The following MIOS variants were observed in gnomAD, a reference collection of about 807,000 sequenced individuals.
MIOS encodes meiosis regulator for oocyte development.
In MIOS, 52 loss-of-function variants were observed where a neutral mutation model predicts 96.9. The observed-to-expected ratio is 0.54, with a 90% CI of 0.43 to 0.68. The LOEUF (loss-of-function observed/expected upper bound fraction) is 0.68, where lower values mean the gene tolerates loss of function less well. Among genes scored for constraint, MIOS ranks in the 30% least tolerant of loss-of-function variants. MIOS has a pLI of 0.00. For missense variants in MIOS, 1,005 were observed against 1,052.8 expected, an observed-to-expected ratio of 0.95 and a Z score of 0.63; for synonymous variants, 397 against 359.5, an observed-to-expected ratio of 1.10 and a Z score of -1.18.
intron 7 of MIOS, 78 bp downstream of exon 7, chr7:7,585,883 T>G (rs1298218692): frequency 1.6e-6 from 2 of 1,258,518 alleles, no homozygotes; most frequent in East Asian, 2.6e-5. Flanking sequence ...AATTTTCAAA[T>G]GTCTGTTGCA....
At chr7:7,586,131 C>T (rs540883155) in intron 7 of MIOS, among the ~76,000 whole-genome samples, 1 of 151,676 alleles carries the variant, frequency 6.6e-6, no homozygotes, top group East Asian at 1.9e-4. Context: ...AATATATTCG[C>T]TGTTTACACT....
intron 5 of MIOS, among the ~76,000 whole-genome samples, chr7:7,580,352 C>T (rs559257321): frequency 6.6e-6 from 1 of 152,266 alleles, no homozygotes; most frequent in African/African-American, 2.4e-5. Context: ...AAGTAGCATG[C>T]TCCTTCTTTT....
intron 5 of MIOS, 82 bp from the exon 6 acceptor site, chr7:7,583,036 T>A (rs1783779171): frequency 2.2e-6 from 3 of 1,367,586 alleles, no homozygotes; most frequent in Non-Finnish European, 3.0e-6. Flanking sequence ...TCTAAATGTG[T>A]CAACATAGTT....
At chr7:7,603,274 A>G (rs1784430916) in intron 11 of MIOS, among the ~76,000 whole-genome samples, 1 of 151,814 alleles carries the variant, frequency 6.6e-6, no homozygotes, top group African/African-American at 2.4e-5. Flanking sequence ...CAGAGTGAAC[A>G]GGCAACCTAC....
Position 7,574,181 on chromosome 7 carries a change from G to A in MIOS, c.1378G>A (p.Val460Ile), listed in dbSNP as rs368671194. 2 of 1,605,830 alleles carry A rather than the reference G, an allele frequency of 1.2e-6. No individual in the cohort carries two copies. Among genetic ancestry groups the A allele is most frequent in the Middle Eastern group, 1.7e-4 (1 of 6,034 alleles). Residue 460 changes from valine to isoleucine, a missense_variant, in exon 5 of 13, where the codon GTA (valine) becomes ATA (isoleucine). Physicochemically the swap from Val to Ile is conservative, Grantham distance 29 (BLOSUM62 3). Transcript: ENST00000340080. ...GGTTTATGCAGGAATTAAATCAATT[G>A]TAAAGTCATCGTTGGGTAAGAAAAT... ...SLVYAGIKSI[V>I]KSSLGMVESS...
At chr7:7,574,855 T>G (rs1239888785) in intron 5 of MIOS, among the ~76,000 whole-genome samples, 1 of 152,130 alleles carries the variant, frequency 6.6e-6, no homozygotes, top group Non-Finnish European at 1.5e-5. Context: ...TGGGTTATAT[T>G]AGAATTGCAG....
chr7:7,578,792 C>T (rs548282633), intron 5 of MIOS, among the ~76,000 whole-genome samples: 2 of 152,088 alleles, frequency 1.3e-5, no homozygotes, highest in East Asian at 3.9e-4. Flanking sequence ...CTCACTGCAA[C>T]TTCCACCTCC....
intron 11 of MIOS, among the ~76,000 whole-genome samples, chr7:7,598,385 G>T (rs976827121): frequency 3.3e-5 from 5 of 152,062 alleles, no homozygotes; most frequent in African/African-American, 1.2e-4. Context: ...CATTGGCTTA[G>T]CGATTATTTT....
At chr7:7,569,582 C>A (rs924040688) in intron 3 of MIOS, among the ~76,000 whole-genome samples, 1 of 152,218 alleles carries the variant, frequency 6.6e-6, no homozygotes, top group Non-Finnish European at 1.5e-5. Flanking sequence ...TGTTTATTAA[C>A]TTCCTACTAA....
At position 7,584,038 on chromosome 7, in the gene MIOS, A is replaced by G. The variant is rs529825864; in HGVS notation, c.1648+666A>G. On this transcript the variant is annotated intron_variant, in intron 6 of 12. Coordinates refer to ENST00000340080, the MANE Select transcript of MIOS (RefSeq NM_019005.4). Reference sequence around the variant, plus strand: ...TATTTCGCTTGGAAATAACTAAAATATATATAGCTATTGGTCTTTAGTACA... The same window carrying G: ...TATTTCGCTTGGAAATAACTAAAATGTATATAGCTATTGGTCTTTAGTACA... Among the ~76,000 whole-genome samples, 8 of 152,298 alleles carry G rather than the reference A, an allele frequency of 5.3e-5. No individual in the cohort carries two copies. The South Asian group carries it at 1.7e-3, about 32-fold the overall frequency.
In MIOS at chr7:7,573,661, C is replaced by G. The variant is rs371084225; in HGVS notation, c.1186C>G (p.Leu396Val). ...LEKDIATKMRLRALSRYGLDT... is the reference protein window; with the variant it reads ...LEKDIATKMRVRALSRYGLDT... ...AAAAGATATAGCAACGAAGATGCGT[C>G]TTCGGGCTTTATCAAGGTATGGACT... Residue 396 changes from leucine (L) to valine (V), a missense_variant, in exon 4 of 13, where the codon CTT (leucine) becomes GTT (valine). Physicochemically the swap from Leu to Val is conservative, Grantham distance 32. Coordinates refer to ENST00000340080, the MANE Select transcript of MIOS (RefSeq NM_019005.4). The surrounding 1 kb of genome is among the most constrained non-coding windows in gnomAD (Gnocchi z 5.0). 19 of 1,613,946 alleles carry G rather than the reference C, an allele frequency of 1.2e-5. No homozygotes were observed. The African/African-American group carries it at 2.1e-4, about 18-fold the overall frequency.
intron 5 of MIOS, chr7:7,582,878 G>A (rs1364005318): frequency 4.6e-6 from 2 of 437,218 alleles, no homozygotes; most frequent in African/African-American, 4.1e-5. Flanking sequence ...CAGTAACTCA[G>A]TTTAGTCCAT....
chr7:7,593,941 A>ATG (rs1233734170), intron 9 of MIOS, among the ~76,000 whole-genome samples: 1 of 151,942 alleles, frequency 6.6e-6, no homozygotes, highest in Non-Finnish European at 1.5e-5. Context: ...CATAGATGAA[A>ATG]TGTGGAATGT....
At position 7,607,508 on chromosome 7, in the gene MIOS, G is replaced by T; in HGVS notation, c.*416G>T. 1 of 153,758 alleles carries T rather than the reference G, an allele frequency of 6.5e-6. No homozygotes were observed. Among genetic ancestry groups the T allele is most frequent in the Non-Finnish European group, 1.4e-5 (1 of 69,114 alleles). The allele number at this position is 153,758 out of a possible 1,614,324, so 9.5% of individuals were successfully genotyped here. On this transcript the variant is annotated 3_prime_UTR_variant, in exon 13 of 13. Coordinates refer to ENST00000340080, the MANE Select transcript of MIOS (RefSeq NM_019005.4). ...GACTAATTCTGTGATTCAGACAATA[G>T]TTTTAAGTTCAGCTGTGCTTAGATT...
chr7:7,601,037 A>G (rs1407984002), intron 11 of MIOS, among the ~76,000 whole-genome samples: 1 of 148,976 alleles, frequency 6.7e-6, no homozygotes, highest in African/African-American at 2.5e-5. Flanking sequence ...AAGACACAAC[A>G]TACCAGAATC....
At chr7:7,606,612 C>G (rs1353748040) in intron 12 of MIOS, among the ~76,000 whole-genome samples, 1 of 152,180 alleles carries the variant, frequency 6.6e-6, no homozygotes, top group Non-Finnish European at 1.5e-5. Context: ...GTCACCTTCA[C>G]AACTATAAAT....
chr7:7,582,685 C>G, intron 5 of MIOS: 1 of 912,238 alleles, frequency 1.1e-6, no homozygotes, highest in African/African-American at 1.8e-5. Flanking sequence ...GTAGGGATAC[C>G]TTGTGAATAA....
At chr7:7,598,366 T>G (rs1401008225) in intron 11 of MIOS, among the ~76,000 whole-genome samples, 1 of 152,198 alleles carries the variant, frequency 6.6e-6, no homozygotes, top group African/African-American at 2.4e-5. Context: ...ATGAAAGACT[T>G]GCTGGTATCA....
intron 11 of MIOS, among the ~76,000 whole-genome samples, chr7:7,599,469 A>C (rs541203613): frequency 1.3e-5 from 2 of 152,350 alleles, no homozygotes; most frequent in South Asian, 4.1e-4. Flanking sequence ...TATCTGAAGG[A>C]TATCTGGAAA....
Sources: gnomAD v4.1 joint callset for allele counts (sites outside exome capture counted in the v4.1 genomes callset) on GRCh38, gnomAD v4.1.1 for gene constraint, Gnocchi (gnomAD v3.1) non-coding constraint, MANE v1.5 for transcripts, NCBI Gene and HGNC (gene_info 2026-07-23, HGNC 2026-07-21) for gene names.